The following NFIB variants were observed in gnomAD, a reference collection of about 807,000 sequenced individuals.
NFIB encodes the protein nuclear factor I B.
NFIB carries 11 observed loss-of-function variants against 61.5 expected under a neutral mutation model. That is an observed-to-expected ratio of 0.18 (90% CI 0.11 to 0.30). The LOEUF is 0.30. NFIB is among the 10% of genes least tolerant of loss of function. The probability of loss-of-function intolerance (pLI) is 1.00; values close to 1 mark genes in which losing one functional copy is unlikely to be tolerated. For synonymous variants in NFIB, 260 were observed against 216.5 expected (o/e 1.20, Z -1.76); for missense variants, 471 against 608.9 (o/e 0.77, Z 2.38).
the NFIB span, among the ~76,000 whole-genome samples, chr9:14,509,342 C>T: frequency 6.6e-6 from 1 of 152,198 alleles, no homozygotes; most frequent in Non-Finnish European, 1.5e-5. Flanking sequence ...CACACACTTT[C>T]CCCACCCAAG....
At chr9:14,436,785 G>A in the NFIB span, among the ~76,000 whole-genome samples, 1 of 152,292 alleles carries the variant, frequency 6.6e-6, no homozygotes, top group East Asian at 1.9e-4. Context: ...AAAGACTTGG[G>A]ATCTACTATA....
chr9:14,161,827 C>T (rs1469185718), intron 3 of NFIB, among the ~76,000 whole-genome samples: 1 of 152,148 alleles, frequency 6.6e-6, no homozygotes, highest in Non-Finnish European at 1.5e-5. Context: ...AGGACATAAA[C>T]TCTTTTAAAA....
the NFIB span, among the ~76,000 whole-genome samples, chr9:14,471,576 G>A: frequency 1.3e-5 from 2 of 152,260 alleles, no homozygotes; most frequent in Non-Finnish European, 2.9e-5. Context: ...TATTTAGGAA[G>A]AATTGATCTT....
chr9:14,346,259 T>A (rs2061018080), intron 1 of NFIB, among the ~76,000 whole-genome samples: 1 of 148,242 alleles, frequency 6.7e-6, no homozygotes. Context: ...GGGTGGAGAT[T>A]TCATATCCGC....
chr9:14,458,229 C>T, the NFIB span, among the ~76,000 whole-genome samples: 1 of 152,166 alleles, frequency 6.6e-6, no homozygotes, highest in South Asian at 2.1e-4. Context: ...AATCAATAAA[C>T]ATAATCCAGC....
chr9:14,108,742 T>C (rs2118964590), intron 10 of NFIB, among the ~76,000 whole-genome samples: 1 of 152,146 alleles, frequency 6.6e-6, no homozygotes, highest in African/African-American at 2.4e-5. Flanking sequence ...TTTGAGATTA[T>C]GAAAATAAGA....
chr9:14,382,611 G>C (rs1288571901), intron 1 of NFIB, among the ~76,000 whole-genome samples: 1 of 152,000 alleles, frequency 6.6e-6, no homozygotes, highest in Non-Finnish European at 1.5e-5. Context: ...CACACCCTCA[G>C]TAAAAATCCT....
In NFIB at chr9:14,084,862, T is replaced by G. The variant is rs2032601051; in HGVS notation, c.*3447A>C. The G allele has an allele frequency of 4.3e-6, 1 of 230,026 alleles. No individual in the cohort carries two copies. The allele number at this position is 230,026 out of a possible 1,614,324, so 14.2% of individuals were successfully genotyped here. A position where few individuals can be genotyped will look rare whatever the true frequency, so the allele number is the denominator to read the frequency against. ...TCTCAAAAAGGAAAGAAGAAAAAAT[T>G]GATTTGAAATAAAAAAAGCAACACT... On this transcript the variant is annotated 3_prime_UTR_variant, in exon 11 of 11. Coordinates refer to ENST00000380953, the MANE Select transcript of NFIB (RefSeq NM_001190737.2).
chr9:14,416,274 A>G, the NFIB span, among the ~76,000 whole-genome samples: 1 of 152,196 alleles, frequency 6.6e-6, no homozygotes, highest in African/African-American at 2.4e-5. Context: ...ATTTTAGAGT[A>G]TACCTCCTTC....
At chr9:14,432,346 G>T in the NFIB span, among the ~76,000 whole-genome samples, 1 of 152,188 alleles carries the variant, frequency 6.6e-6, no homozygotes, top group African/African-American at 2.4e-5. Context: ...GTTGGTTCTG[G>T]TCATCTTTTA....
At chr9:14,131,948 C>T (rs2040454750) in intron 6 of NFIB, among the ~76,000 whole-genome samples, 1 of 152,160 alleles carries the variant, frequency 6.6e-6, no homozygotes, top group African/African-American at 2.4e-5. Context: ...TATAGTAGAG[C>T]AATATGTTAG....
At chr9:14,238,049 G>A (rs562149752) in intron 2 of NFIB, among the ~76,000 whole-genome samples, 2 of 152,148 alleles carry the variant, frequency 1.3e-5, no homozygotes, top group African/African-American at 2.4e-5. Context: ...AGCAGGGTAA[G>A]GAGAAAAAGA....
chr9:14,115,508 G>C (rs2037989976), intron 9 of NFIB, among the ~76,000 whole-genome samples: 1 of 152,014 alleles, frequency 6.6e-6, no homozygotes, highest in African/African-American at 2.4e-5. Flanking sequence ...GCGGCTTATT[G>C]GTACGTGTTA....
intron 2 of NFIB, among the ~76,000 whole-genome samples, chr9:14,193,710 A>T (rs1345784115): frequency 6.6e-6 from 1 of 152,248 alleles, no homozygotes; most frequent in Non-Finnish European, 1.5e-5. Flanking sequence ...ACAGGGATAT[A>T]TATGAACTCA....
rs756390937 is a variant in NFIB, at chr9:14,084,773, CGAG to C, written c.*3533_*3535del. 6 of 228,558 alleles carry C rather than the reference CGAG, an allele frequency of 2.6e-5. No individual in the cohort carries two copies. The highest frequency in any genetic ancestry group is 4.3e-5 in the Non-Finnish European group (5 of 115,294). 14.2% of individuals were successfully genotyped at this position (228,558 alleles called of 1,614,324 possible). ...TCGTCAGAATATACTTCCTGGTACACGAGGAGGAGGCCGAAAAGTTGATTTGAG... is the reference window on the plus strand; with the variant it reads ...TCGTCAGAATATACTTCCTGGTACACGAGGAGGCCGAAAAGTTGATTTGAG... On this transcript the variant is annotated 3_prime_UTR_variant, in exon 11 of 11. Transcript: ENST00000380953.
At chr9:14,448,873 C>T in the NFIB span, among the ~76,000 whole-genome samples, 1 of 152,200 alleles carries the variant, frequency 6.6e-6, no homozygotes, top group Non-Finnish European at 1.5e-5. Flanking sequence ...GTCTGCTACA[C>T]CTGCGTAAAT....
At chr9:14,438,377 C>G in the NFIB span, among the ~76,000 whole-genome samples, 1 of 152,130 alleles carries the variant, frequency 6.6e-6, no homozygotes, top group Admixed American at 6.5e-5. Flanking sequence ...ATCAGAAAAT[C>G]GTTGATCCTG....
At chr9:14,362,096 T>C (rs959338633) in intron 1 of NFIB, 8 of 152,200 alleles carry the variant, frequency 5.3e-5, no homozygotes, top group African/African-American at 1.4e-4. Context: ...GAAACCACTA[T>C]AGAAATTTAG....
intron 2 of NFIB, among the ~76,000 whole-genome samples, chr9:14,268,663 A>G (rs1314470666): frequency 1.3e-5 from 2 of 152,096 alleles, no homozygotes; most frequent in Non-Finnish European, 2.9e-5. Context: ...CTTTTTATGT[A>G]TCTGTGTGGC....
Sources: allele counts gnomAD v4.1 joint callset (sites outside exome capture counted in the v4.1 genomes callset), GRCh38; gene constraint gnomAD v4.1.1; transcripts MANE v1.5; gene names NCBI Gene and HGNC (gene_info 2026-07-23, HGNC 2026-07-21).